Variants in KRAS observed in about 807,000 individuals in gnomAD.
KRAS encodes the protein KRas proto-oncogene, GTPase, also known as GTPase KRas.
A neutral mutation model predicts 21.0 loss-of-function variants in KRAS; 1 was observed. That is an observed-to-expected ratio of 0.05 (90% confidence interval 0.02 to 0.23). KRAS has a LOEUF of 0.23. Among genes scored for constraint, KRAS ranks in the 10% least tolerant of loss-of-function variants. The pLI is 1.00. For missense variants in KRAS, 107 were observed against 221.8 expected, an observed-to-expected ratio of 0.48 and a Z score of 3.29; for synonymous variants, 67 against 72.5, an observed-to-expected ratio of 0.92 and a Z score of 0.39.
intron 1 of KRAS, among the ~76,000 whole-genome samples, chr12:25,248,398 C>A (rs529163734): frequency 2.7e-5 from 4 of 149,902 alleles, no homozygotes; most frequent in African/African-American, 9.8e-5. Flanking sequence ...AGTAGCGGGC[C>A]GAGATCGCGC....
chr12:25,233,399 CA>C (rs1033275125), intron 2 of KRAS, among the ~76,000 whole-genome samples: 6 of 150,894 alleles, frequency 4.0e-5, no homozygotes, highest in African/African-American at 9.7e-5. Context: ...ACAAAAAATA[CA>C]AAAAAAAATT....
rs1198945817 is a variant in KRAS at position 25,206,948 on chromosome 12, CAA to C, written c.*2845_*2846del. 9.8e-6 allele frequency: 2 copies of C among 204,858 alleles called. No individual in the cohort carries two copies. The highest frequency in any genetic ancestry group is 6.0e-5 in the Admixed American group (1 of 16,754). The allele number at this position is 204,858 out of a possible 1,614,324, so 12.7% of individuals were successfully genotyped here. A position where few individuals can be genotyped will look rare whatever the true frequency, so the allele number is the denominator to read the frequency against. ...ATGCCAAATAAAAAAACAATATAAT[CAA>C]GTTTATTCCTTTAAAACAATGAAGT... On this transcript the variant is annotated 3_prime_UTR_variant, in exon 5 of 5. Coordinates refer to ENST00000311936, the MANE Select transcript of KRAS (RefSeq NM_004985.5).
chr12:25,215,703 G>C, intron 4 of KRAS: 1 of 698,538 alleles, frequency 1.4e-6, no homozygotes, highest in Non-Finnish European at 2.5e-6. Flanking sequence ...GAATAAAACT[G>C]AGGATGCAGT....
At chr12:25,242,179 A>T (rs1202205751) in intron 2 of KRAS, among the ~76,000 whole-genome samples, 1 of 152,220 alleles carries the variant, frequency 6.6e-6, no homozygotes, top group Non-Finnish European at 1.5e-5. Context: ...TAATACTTGA[A>T]CTGAATTATA....
rs114748473 is a variant in KRAS, at chr12:25,215,238, C to T, written c.451-5327G>A. ...ATGCCAAATATAGATTAGTCTACTA[C>T]AGCCATCAAAATTGTCTCAATTATA... On this transcript the variant is annotated intron_variant, in intron 4 of 4. Transcript: ENST00000311936. 9.5e-4 allele frequency: 691 copies of T among 730,334 alleles called. 5 individuals carry two copies. In the African/African-American group the frequency reaches 0.012, roughly 13 times the overall value. The allele number at this position is 730,334 out of a possible 1,614,324, so 45.2% of individuals were successfully genotyped here.
chr12:25,250,575 C>T (rs1449657269), intron 1 of KRAS, among the ~76,000 whole-genome samples, 176 bp downstream of exon 1: 2 of 151,852 alleles, frequency 1.3e-5, no homozygotes, highest in African/African-American at 2.4e-5. Context: ...CCGCCGCGTC[C>T]GCGCGCCTCC....
intron 4 of KRAS, among the ~76,000 whole-genome samples, chr12:25,215,878 T>C (rs954997141): frequency 9.9e-5 from 15 of 152,234 alleles, no homozygotes; most frequent in African/African-American, 3.6e-4. Context: ...TTTAGTTTGC[T>C]AGTCCTGGAA....
chr12:25,217,918 A>G (rs1951273488), intron 4 of KRAS, among the ~76,000 whole-genome samples: 1 of 152,156 alleles, frequency 6.6e-6, no homozygotes, highest in Non-Finnish European at 1.5e-5. Flanking sequence ...TAATCGTTTT[A>G]AAGTTTATAT....
chr12:25,217,740 T>C (rs1463959193), intron 4 of KRAS, among the ~76,000 whole-genome samples: 1 of 151,984 alleles, frequency 6.6e-6, no homozygotes, highest in African/African-American at 2.4e-5. Flanking sequence ...CTACTAAAAA[T>C]AAGATAAATT....
At chr12:25,221,569 C>T (rs576849202) in intron 4 of KRAS, among the ~76,000 whole-genome samples, 1 of 151,968 alleles carries the variant, frequency 6.6e-6, no homozygotes, top group East Asian at 1.9e-4. Flanking sequence ...AAGCTAACAA[C>T]GATTTTTGCA....
chr12:25,243,429 T>C (rs1239783683), intron 2 of KRAS, among the ~76,000 whole-genome samples: 1 of 152,226 alleles, frequency 6.6e-6, no homozygotes, highest in East Asian at 1.9e-4. Context: ...AGCAGAGTTA[T>C]AGGTTTAAGT....
At chr12:25,238,637 T>G (rs1433082135) in intron 2 of KRAS, among the ~76,000 whole-genome samples, 1 of 151,958 alleles carries the variant, frequency 6.6e-6, no homozygotes, top group Middle Eastern at 3.2e-3. Context: ...GATGAGGGAG[T>G]AATTTTGTTT....
chr12:25,243,474 G>A (rs865783203), intron 2 of KRAS, among the ~76,000 whole-genome samples: 1 of 152,082 alleles, frequency 6.6e-6, no homozygotes, highest in African/African-American at 2.4e-5. Context: ...CCAAATAAAG[G>A]CTTAACTGTT....
At chr12:25,228,254 G>A (rs1055969345) in intron 2 of KRAS, among the ~76,000 whole-genome samples, 6 of 136,540 alleles carry the variant, frequency 4.4e-5, no homozygotes, top group African/African-American at 1.6e-4. Context: ...GGGCTCAAGC[G>A]ATCCTCCTGC....
chr12:25,249,608 A>AAAAAAAAAAAAAT (rs1592827940), intron 1 of KRAS, among the ~76,000 whole-genome samples: 1 of 149,240 alleles, frequency 6.7e-6, no homozygotes. Context: ...AAAAAAAAAA[A>AAAAAAAAAAAAAT]GGAGATGCAC....
intron 4 of KRAS, among the ~76,000 whole-genome samples, chr12:25,220,272 G>A (rs1162281952): frequency 6.6e-6 from 1 of 152,196 alleles, no homozygotes; most frequent in East Asian, 1.9e-4. Context: ...TAGGAACATA[G>A]GGACTACACA....
rs1208657846 is a variant in KRAS at position 25,205,652 on chromosome 12, G to A, written c.*4143C>T. On this transcript the variant is annotated 3_prime_UTR_variant, in exon 5 of 5. Transcript: ENST00000311936. ...CAAGACAGTGGAATTGGAAACTTTC[G>A]GATAAAACACTGTAACCCAGTTAGC... 8 of 223,994 alleles carry A rather than the reference G, an allele frequency of 3.6e-5. No homozygotes were observed. Among genetic ancestry groups the A allele is most frequent in the Non-Finnish European group, 4.5e-5 (5 of 112,188 alleles). 13.9% of individuals were successfully genotyped at this position (223,994 alleles called of 1,614,324 possible).
intron 4 of KRAS, among the ~76,000 whole-genome samples, chr12:25,220,486 T>C (rs952841720): frequency 2.6e-5 from 4 of 152,166 alleles, no homozygotes; most frequent in Non-Finnish European, 5.9e-5. Context: ...CCCAGCACTT[T>C]GGGAGGCCGA....
chr12:25,224,030 T>C (rs1265246862), intron 4 of KRAS, among the ~76,000 whole-genome samples: 1 of 152,050 alleles, frequency 6.6e-6, no homozygotes, highest in Non-Finnish European at 1.5e-5. Flanking sequence ...AAGTTCCTAT[T>C]GCTTAGTGAT....
Sources: allele counts gnomAD v4.1 joint callset (sites outside exome capture counted in the v4.1 genomes callset), GRCh38; gene constraint gnomAD v4.1.1; transcripts MANE v1.5; gene names NCBI Gene and HGNC (gene_info 2026-07-23, HGNC 2026-07-21).